ADCY1: variants seen among roughly 807,000 people sequenced by gnomAD.
ADCY1 encodes adenylate cyclase 1.
In ADCY1, 28 loss-of-function variants were observed where a neutral mutation model predicts 105.4. The ratio of observed to expected loss-of-function variants is 0.27; its 90% CI spans 0.20 to 0.36. ADCY1 has a LOEUF of 0.36. Among genes scored for constraint, ADCY1 ranks in the 10% least tolerant of loss-of-function variants. The probability of loss-of-function intolerance (pLI) is 1.00; values close to 1 mark genes in which losing one functional copy is unlikely to be tolerated. For missense variants in ADCY1, 977 were observed against 1,434.2 expected (o/e 0.68, Z 5.15); for synonymous variants, 655 against 623.8 (o/e 1.05, Z -0.75).
At chr7:45,671,413 C>T (rs1480384071) in intron 8 of ADCY1, among the ~76,000 whole-genome samples, 1 of 152,160 alleles carries the variant, frequency 6.6e-6, no homozygotes, top group South Asian at 2.1e-4. Flanking sequence ...AAATTTTGTG[C>T]GCACATCCAT....
rs201941725 is a variant in ADCY1, at chr7:45,666,906, T to G, written c.1605+4692T>G. ...ATGATGAGCATTTTTTCATGTGTTT[T>G]TTGGCTGCATAAATGTCTTCTTTTG... On this transcript the variant is annotated intron_variant, in intron 8 of 19. Coordinates refer to ENST00000297323, the MANE Select transcript of ADCY1 (RefSeq NM_021116.4). Among the ~76,000 whole-genome samples, 1,744 of 152,332 alleles carry G rather than the reference T, an allele frequency of 0.011. 57 individuals carry two copies. The East Asian group carries it at 0.13, about 12-fold the overall frequency.
chr7:45,644,999 G>T (rs1452386464), intron 4 of ADCY1, among the ~76,000 whole-genome samples: 1 of 152,186 alleles, frequency 6.6e-6, no homozygotes, highest in Non-Finnish European at 1.5e-5. Context: ...AGACTCATGT[G>T]TGATGCTGAG....
intron 4 of ADCY1, among the ~76,000 whole-genome samples, chr7:45,629,550 C>G (rs58764772): frequency 3.5e-5 from 5 of 144,556 alleles, no homozygotes; most frequent in South Asian, 4.3e-4. Context: ...CTCGCTCTGT[C>G]GCCCAGGCCG....
intron 3 of ADCY1, among the ~76,000 whole-genome samples, chr7:45,610,958 G>GCGGAGGTGA (rs1793562808): frequency 8.7e-6 from 1 of 115,340 alleles, no homozygotes; most frequent in Non-Finnish European, 1.9e-5. Flanking sequence ...TAGTGGAGGT[G>GCGGAGGTGA]TAGAGGTGAT....
At chr7:45,644,164 A>T (rs775842276) in intron 4 of ADCY1, among the ~76,000 whole-genome samples, 1 of 152,072 alleles carries the variant, frequency 6.6e-6, no homozygotes, top group Non-Finnish European at 1.5e-5. Flanking sequence ...TCTCCCAGGT[A>T]TCTGTTTTCT....
At chr7:45,663,919 G>A (rs1366199866) in intron 8 of ADCY1, among the ~76,000 whole-genome samples, 1 of 152,200 alleles carries the variant, frequency 6.6e-6, no homozygotes, top group Non-Finnish European at 1.5e-5. Flanking sequence ...AACCACGGCA[G>A]TGGAATGGAG....
chr7:45,590,096 A>T (rs1051148323), intron 1 of ADCY1, among the ~76,000 whole-genome samples: 1 of 152,020 alleles, frequency 6.6e-6, no homozygotes, highest in African/African-American at 2.4e-5. Flanking sequence ...TGCAGAGATG[A>T]GGGGGACCGG....
chr7:45,608,872 G>A (rs1000558715), intron 2 of ADCY1, among the ~76,000 whole-genome samples: 3 of 152,176 alleles, frequency 2.0e-5, no homozygotes, highest in Non-Finnish European at 2.9e-5. Flanking sequence ...TGGGTTCTCA[G>A]TGTAGACCTT....
intron 5 of ADCY1, among the ~76,000 whole-genome samples, chr7:45,656,468 C>T (rs990275942): frequency 5.3e-5 from 8 of 152,218 alleles, no homozygotes; most frequent in Non-Finnish European, 8.8e-5. Context: ...GTCTGGGCAG[C>T]CATCTGCCTT....
intron 19 of ADCY1, among the ~76,000 whole-genome samples, chr7:45,712,600 C>CG (rs1785282601): frequency 6.6e-6 from 1 of 151,952 alleles, no homozygotes; most frequent in Admixed American, 6.6e-5. Context: ...GCCACACTGA[C>CG]GGGGGCCAGC....
intron 14 of ADCY1, among the ~76,000 whole-genome samples, chr7:45,699,467 C>T (rs894901209): frequency 1.3e-5 from 2 of 152,152 alleles, no homozygotes; most frequent in Admixed American, 1.3e-4. Context: ...TCATTAATTA[C>T]TTTAGGGGTA....
At position 45,715,391 on chromosome 7, in the gene ADCY1, A is replaced by C. The variant is rs1027735287; in HGVS notation, c.*1396A>C. Reference sequence around the variant, plus strand: ...TTCTGTGGACTGCAGATGAGGCCTGAGCCCTGCCTATGCTCAAAGCCAGCA... The same window carrying C: ...TTCTGTGGACTGCAGATGAGGCCTGCGCCCTGCCTATGCTCAAAGCCAGCA... On this transcript the variant is annotated 3_prime_UTR_variant, in exon 20 of 20. Transcript: ENST00000297323. 6.6e-6 allele frequency: 1 copy of C among 152,384 alleles called. No individual in the cohort carries two copies. 9.4% of individuals were successfully genotyped at this position (152,384 alleles called of 1,614,324 possible). A position where few individuals can be genotyped will look rare whatever the true frequency, so the allele number is the denominator to read the frequency against.
At chr7:45,711,946 C>CATATTAT (rs1182630550) in intron 19 of ADCY1, among the ~76,000 whole-genome samples, 1 of 47,684 alleles carries the variant, frequency 2.1e-5, no homozygotes, top group Non-Finnish European at 3.9e-5. Flanking sequence ...TATATAAATA[C>CATATTAT]ATATTATATT....
chr7:45,702,736 C>T (rs2116256960), intron 14 of ADCY1, among the ~76,000 whole-genome samples: 1 of 152,348 alleles, frequency 6.6e-6, no homozygotes, highest in East Asian at 1.9e-4. Flanking sequence ...GACTCACCTG[C>T]TCCTGCCATC....
rs1444007270 is a variant in ADCY1 at position 45,710,849 on chromosome 7, A to T, written c.3057+197A>T. ...GATTTTGCTGTTTGGTTTGTCATTT[A>T]GCCTTGGGGGCTGGCTCCTGAGTGA... On this transcript the variant is annotated intron_variant, in intron 19 of 19. Coordinates refer to ENST00000297323, the MANE Select transcript of ADCY1 (RefSeq NM_021116.4). This position sits in a 1 kb window ranked among gnomAD's most constrained non-coding sequence, Gnocchi z 4.7. 6.6e-6 allele frequency among the ~76,000 whole-genome samples: 1 copy of T among 152,152 alleles called. No homozygotes were observed. Among genetic ancestry groups the T allele is most frequent in the Non-Finnish European group, 1.5e-5 (1 of 68,022 alleles).
At chr7:45,601,246 TC>T (rs1233353083) in intron 2 of ADCY1, among the ~76,000 whole-genome samples, 2 of 151,914 alleles carry the variant, frequency 1.3e-5, no homozygotes, top group African/African-American at 4.8e-5. Flanking sequence ...TTTCCTCCCT[TC>T]CCCCCCTGCT....
Position 45,575,333 on chromosome 7 carries a change from T to C in ADCY1, c.639+151T>C. The C allele has an allele frequency of 9.6e-7, 1 of 1,039,788 alleles. No homozygotes were observed. Among genetic ancestry groups the C allele is most frequent in the Non-Finnish European group, 1.3e-6 (1 of 742,232 alleles). The allele number at this position is 1,039,788 out of a possible 1,614,324, so 64.4% of individuals were successfully genotyped here. A position where few individuals can be genotyped will look rare whatever the true frequency, so the allele number is the denominator to read the frequency against. ...GTGTGTTCAAGGTCACTCCTACGAG[T>C]TGGGGACGCAGTCGGGGCTGGCACC... is the stretch of plus-strand genomic sequence containing the variant. On this transcript the variant is annotated intron_variant, in intron 1 of 19. Coordinates refer to ENST00000297323, the MANE Select transcript of ADCY1 (RefSeq NM_021116.4). This position sits in a 1 kb window ranked among gnomAD's most constrained non-coding sequence, Gnocchi z 4.7.
At chr7:45,612,174 G>A (rs1390072094) in intron 3 of ADCY1, among the ~76,000 whole-genome samples, 1 of 152,222 alleles carries the variant, frequency 6.6e-6, no homozygotes, top group Non-Finnish European at 1.5e-5. Flanking sequence ...AAGCAATGTG[G>A]GGTGAAGGCC....
intron 14 of ADCY1, among the ~76,000 whole-genome samples, chr7:45,700,958 C>G (rs1784984970): frequency 6.6e-6 from 1 of 152,202 alleles, no homozygotes; most frequent in African/African-American, 2.4e-5. Flanking sequence ...TCTGACCTCT[C>G]TGAGGCATCA....
Sources: gnomAD v4.1 joint callset for allele counts (sites outside exome capture counted in the v4.1 genomes callset) on GRCh38, gnomAD v4.1.1 for gene constraint, Gnocchi (gnomAD v3.1) non-coding constraint, MANE v1.5 for transcripts, NCBI Gene and HGNC (gene_info 2026-07-23, HGNC 2026-07-21) for gene names.